The following RNF19A variants were observed in gnomAD, a reference collection of about 807,000 sequenced individuals.
RNF19A encodes the protein ring finger protein 19A, RBR E3 ubiquitin protein ligase.
RNF19A carries 32 observed loss-of-function variants against 75.7 expected under a neutral mutation model. That is an observed-to-expected ratio of 0.42 (90% CI 0.32 to 0.57). RNF19A has a LOEUF of 0.57. Ranked by LOEUF, RNF19A falls within the 20% of genes least tolerant of loss-of-function variation. The probability of loss-of-function intolerance (pLI) is 0.10; values close to 1 mark genes in which losing one functional copy is unlikely to be tolerated. For synonymous variants in RNF19A, 335 were observed against 345.2 expected, an observed-to-expected ratio of 0.97 and a Z score of 0.33; for missense variants, 782 against 1,036.3, an observed-to-expected ratio of 0.75 and a Z score of 3.37.
At chr8:100,270,337 T>C (rs951067084) in intron 3 of RNF19A, among the ~76,000 whole-genome samples, 1 of 152,136 alleles carries the variant, frequency 6.6e-6, no homozygotes, top group African/African-American at 2.4e-5. Flanking sequence ...GTCTTTGTCC[T>C]GGTCCCATAG....
intron 1 of RNF19A, among the ~76,000 whole-genome samples, chr8:100,292,438 GTGTGTGTGT>G (rs1563856926): frequency 3.5e-5 from 5 of 143,262 alleles, no homozygotes; most frequent in Non-Finnish European, 1.6e-5. Context: ...TCATATGGGT[GTGTGTGTGT>G]GTGTGTGTGT....
chr8:100,270,293 C>T (rs1427283349), intron 3 of RNF19A, among the ~76,000 whole-genome samples: 1 of 152,044 alleles, frequency 6.6e-6, no homozygotes, highest in African/African-American at 2.4e-5. Context: ...GAATCAAGGA[C>T]AGCTCTAGGC....
intron 1 of RNF19A, among the ~76,000 whole-genome samples, chr8:100,327,831 C>T (rs905163088): frequency 6.6e-6 from 1 of 152,204 alleles, no homozygotes; most frequent in Non-Finnish European, 1.5e-5. Context: ...CATTGTTCTT[C>T]AAGGCACCAT....
At chr8:100,297,993 T>C (rs1014564421) in intron 1 of RNF19A, among the ~76,000 whole-genome samples, 9 of 152,162 alleles carry the variant, frequency 5.9e-5, no homozygotes, top group African/African-American at 1.4e-4. Context: ...CTATGTGACA[T>C]TGGGTTAAAT....
At chr8:100,335,643 G>T (rs1196298388) in intron 1 of RNF19A, among the ~76,000 whole-genome samples, 1 of 152,154 alleles carries the variant, frequency 6.6e-6, no homozygotes, top group African/African-American at 2.4e-5. Flanking sequence ...TTTTCTTAAA[G>T]ACTTCATGTT....
intron 2 of RNF19A, among the ~76,000 whole-genome samples, chr8:100,283,092 C>T (rs1282888508): frequency 6.6e-6 from 1 of 152,176 alleles, no homozygotes; most frequent in Non-Finnish European, 1.5e-5. Context: ...CCTTGGGAGG[C>T]TCAGAGACAA....
rs1184919707 is a variant in RNF19A, at chr8:100,275,873, GA to G, written c.675-713del. Among the ~76,000 whole-genome samples the G allele has an allele frequency of 1.3e-5, 2 of 152,018 alleles. No individual in the cohort carries two copies. The highest frequency in any genetic ancestry group is 2.9e-5 in the Non-Finnish European group (2 of 68,010). On this transcript the variant is annotated intron_variant, in intron 2 of 9. Transcript: ENST00000341084. The surrounding 1 kb of genome is among the most constrained non-coding windows in gnomAD (Gnocchi z 4.3). ...TACTGTGCCAATTTATAAATTTTGT[GA>G]TAATTTTGTATGTATGCAGAAGTCA... is the stretch of plus-strand genomic sequence containing the variant.
chr8:100,266,665 C>T (rs144320392), intron 5 of RNF19A, among the ~76,000 whole-genome samples: 2 of 152,196 alleles, frequency 1.3e-5, no homozygotes, highest in African/African-American at 4.8e-5. Context: ...CATGCACCAC[C>T]ACTCCCAGCT....
chr8:100,311,325 T>A (rs1175720034), upstream of RNF19A, among the ~76,000 whole-genome samples: 1 of 152,216 alleles, frequency 6.6e-6, no homozygotes, highest in Non-Finnish European at 1.5e-5. Context: ...AAATGCTACT[T>A]GAAGGCTGCC....
At chr8:100,283,026 T>C (rs1463085576) in intron 2 of RNF19A, among the ~76,000 whole-genome samples, 7 of 152,228 alleles carry the variant, frequency 4.6e-5, no homozygotes, top group Non-Finnish European at 1.5e-5. Context: ...CAATTTTTTA[T>C]TGAGCATGAG....
At chr8:100,290,965 GCCTCTAAGGCAGT>G (rs1821264977) in intron 1 of RNF19A, among the ~76,000 whole-genome samples, 1 of 152,144 alleles carries the variant, frequency 6.6e-6, no homozygotes, top group South Asian at 2.1e-4. Flanking sequence ...GAAGCCAACT[GCCTCTAAGGCAGT>G]CCTTAGAGGT....
chr8:100,310,195 T>G, upstream of RNF19A: 3 of 985,214 alleles, frequency 3.0e-6, no homozygotes, highest in Non-Finnish European at 3.6e-6. Context: ...GCCCGCGTGC[T>G]GTGCGTCATG....
chr8:100,280,248 A>T (rs1820719572), intron 2 of RNF19A, among the ~76,000 whole-genome samples: 1 of 152,200 alleles, frequency 6.6e-6, no homozygotes, highest in Non-Finnish European at 1.5e-5. Flanking sequence ...TATGACGGAG[A>T]TACCTGACTT....
chr8:100,281,289 C>T (rs1820772197), intron 2 of RNF19A, among the ~76,000 whole-genome samples: 1 of 152,314 alleles, frequency 6.6e-6, no homozygotes, highest in East Asian at 1.9e-4. Flanking sequence ...ACTAAGAACT[C>T]AGTGGTCAAG....
chr8:100,314,798 A>T (rs1298234191), upstream of RNF19A, among the ~76,000 whole-genome samples: 1 of 152,142 alleles, frequency 6.6e-6, no homozygotes, highest in Non-Finnish European at 1.5e-5. The surrounding 1 kb of genome is among the most constrained non-coding windows in gnomAD (Gnocchi z 4.1). Flanking sequence ...ATTTTTCTGT[A>T]TAAAGTACTT....
At chr8:100,306,883 A>G (rs1477912995) in intron 1 of RNF19A, among the ~76,000 whole-genome samples, 1 of 152,220 alleles carries the variant, frequency 6.6e-6, no homozygotes, top group African/African-American at 2.4e-5. Context: ...ATTCCTAAGT[A>G]AAGAAAAATT....
At chr8:100,294,444 G>A (rs1046445769) in intron 1 of RNF19A, among the ~76,000 whole-genome samples, 1 of 152,064 alleles carries the variant, frequency 6.6e-6, no homozygotes, top group Non-Finnish European at 1.5e-5. Context: ...GTTTTCCACT[G>A]AACTCCTTGG....
intron 1 of RNF19A, among the ~76,000 whole-genome samples, chr8:100,294,861 A>G (rs1021445826): frequency 2.0e-5 from 3 of 152,200 alleles, no homozygotes; most frequent in African/African-American, 7.2e-5. Context: ...CCTTTAAAAG[A>G]TTTTCTTGCA....
Position 100,324,062 on chromosome 8 carries a change from C to G in RNF19A, c.-242-10690G>C, listed in dbSNP as rs1822497231. ...GTATCCCAAGGACATGAGGGAAAAA[C>G]TGAACAATTACTACAGAGCTGTGAT... is the stretch of plus-strand genomic sequence containing the variant. On this transcript the variant is annotated intron_variant, in intron 1 of 3. Coordinates refer to the RNF19A transcript ENST00000519527. The surrounding 1 kb of genome is among the most constrained non-coding windows in gnomAD (Gnocchi z 4.2). Among the ~76,000 whole-genome samples the G allele has an allele frequency of 6.6e-6, 1 of 152,168 alleles. No individual in the cohort carries two copies. Among genetic ancestry groups the G allele is most frequent in the Non-Finnish European group, 1.5e-5 (1 of 68,030 alleles).
Sources: allele counts gnomAD v4.1 joint callset (sites outside exome capture counted in the v4.1 genomes callset), GRCh38; gene constraint gnomAD v4.1.1; non-coding constraint Gnocchi (gnomAD v3.1); transcripts MANE v1.5; gene names NCBI Gene and HGNC (gene_info 2026-07-23, HGNC 2026-07-21).